Variants in IRAK1BP1 observed in about 807,000 individuals in gnomAD.
IRAK1BP1 encodes interleukin-1 receptor-associated kinase 1-binding protein 1.
In IRAK1BP1, 24 loss-of-function variants were observed where a neutral mutation model predicts 28.0. The observed-to-expected ratio is 0.86, with a 90% confidence interval of 0.62 to 1.20. The LOEUF (loss-of-function observed/expected upper bound fraction) is 1.20, where lower values mean the gene tolerates loss of function less well. Among genes scored for constraint, IRAK1BP1 ranks in the 50% most tolerant of loss-of-function variants. The pLI is 0.00. For synonymous variants in IRAK1BP1, 131 were observed against 116.3 expected (o/e 1.13, Z -0.81); for missense variants, 336 against 316.7 (o/e 1.06, Z -0.46).
the IRAK1BP1 span, among the ~76,000 whole-genome samples, chr6:78,963,926 T>C: frequency 1.3e-5 from 2 of 152,086 alleles, no homozygotes; most frequent in Non-Finnish European, 1.5e-5. Context: ...TTAAACTCTA[T>C]AGGTTCGTAT....
chr6:78,937,455 C>T (rs1045131097), intron 4 of IRAK1BP1: 1 of 151,694 alleles, frequency 6.6e-6, no homozygotes, highest in Non-Finnish European at 1.5e-5. Context: ...TAGATGTTAA[C>T]ATACATGCTG....
intron 1 of IRAK1BP1, among the ~76,000 whole-genome samples, chr6:78,876,266 C>G (rs1770999928): frequency 6.6e-6 from 1 of 152,168 alleles, no homozygotes; most frequent in African/African-American, 2.4e-5. Context: ...TTCCCCTTTG[C>G]CTTCTGCCAT....
intron 2 of IRAK1BP1, among the ~76,000 whole-genome samples, chr6:78,891,783 G>C (rs1771673524): frequency 6.6e-6 from 1 of 152,008 alleles, no homozygotes; most frequent in Admixed American, 6.6e-5. Context: ...TTTAATCCTG[G>C]GGTATAATAG....
At chr6:78,942,930 A>G (rs777125283) in intron 4 of IRAK1BP1, among the ~76,000 whole-genome samples, 11 of 152,220 alleles carry the variant, frequency 7.2e-5, no homozygotes, top group African/African-American at 2.2e-4. Flanking sequence ...CTTAAAAAGG[A>G]ATTCAGAAGT....
chr6:78,946,136 C>G lies in IRAK1BP1; in HGVS notation c.*796C>G, dbSNP rs1483958249. 20 of 1,613,942 alleles carry G rather than the reference C, an allele frequency of 1.2e-5. No individual in the cohort carries two copies. Among genetic ancestry groups the G allele is most frequent in the Non-Finnish European group, 1.6e-5 (19 of 1,179,976 alleles). On this transcript the variant is annotated 3_prime_UTR_variant and NMD_transcript_variant, in exon 5 of 5. Transcript: ENST00000606868. ...CTGGTTCGAACCACAGAACTAGATT[C>G]TGTTTTACCGTTTATCTGAGCAGCA...
the IRAK1BP1 span, among the ~76,000 whole-genome samples, chr6:78,979,173 T>C: frequency 6.6e-6 from 1 of 152,100 alleles, no homozygotes; most frequent in Admixed American, 6.6e-5. Flanking sequence ...GAGAGATGAC[T>C]ATCCTTTAAG....
At chr6:78,908,608 T>C (rs1772320944) in intron 4 of IRAK1BP1, among the ~76,000 whole-genome samples, 1 of 152,218 alleles carries the variant, frequency 6.6e-6, no homozygotes, top group African/African-American at 2.4e-5. Context: ...CCCAAAGTGC[T>C]AGGATTACAG....
chr6:78,900,784 T>G lies in IRAK1BP1; in HGVS notation c.*2450T>G, dbSNP rs928632956. ...TGCAGTGTTATTATAAGGATTAAAG[T>G]TGATAAATATATGATCATGAGAACA... On this transcript the variant is annotated 3_prime_UTR_variant, in exon 4 of 4. Coordinates refer to ENST00000369940, the MANE Select transcript of IRAK1BP1 (RefSeq NM_001010844.4). 6.6e-6 allele frequency: 1 copy of G among 152,198 alleles called. No individual in the cohort carries two copies. Among genetic ancestry groups the G allele is most frequent in the African/African-American group, 2.4e-5 (1 of 41,454 alleles). 9.4% of individuals were successfully genotyped at this position (152,198 alleles called of 1,614,324 possible).
At position 78,942,257 on chromosome 6, in the gene IRAK1BP1, C is replaced by A. The variant is rs928384614; in HGVS notation, c.*68-3151C>A. Among the ~76,000 whole-genome samples, 3 of 152,092 alleles carry A rather than the reference C, an allele frequency of 2.0e-5. No individual in the cohort carries two copies. In the East Asian group the frequency reaches 5.8e-4, roughly 29 times the overall value. ...CAGCACTCTGGGAGGCCAAAGTGGG[C>A]GGATCACCTGAGGTCAGGAGTTCGA... is the stretch of plus-strand genomic sequence containing the variant. On this transcript the variant is annotated intron_variant and NMD_transcript_variant, in intron 4 of 4. Coordinates refer to the IRAK1BP1 transcript ENST00000606868.
the IRAK1BP1 span, chr6:78,954,704 AT>A: frequency 1.4e-6 from 1 of 700,376 alleles, no homozygotes; most frequent in African/African-American, 1.9e-5. Context: ...CATGTATAAA[AT>A]AATAAAGAAA....
intron 1 of IRAK1BP1, chr6:78,871,265 T>C (rs1360571615): frequency 1.0e-6 from 1 of 984,930 alleles, no homozygotes; most frequent in East Asian, 1.1e-4. Flanking sequence ...TGGTCCTCCC[T>C]CACAAAAGTG....
In IRAK1BP1 at chr6:78,901,384, C is replaced by T. The variant is rs1295625222; in HGVS notation, c.*3050C>T. On this transcript the variant is annotated 3_prime_UTR_variant, in exon 4 of 4. Transcript: ENST00000369940. ...ACTAAAGGGTATCAAATTTAGTTGTCAGTTGATAGCAATTTAATTTCTTGA... is the reference window on the plus strand; with the variant it reads ...ACTAAAGGGTATCAAATTTAGTTGTTAGTTGATAGCAATTTAATTTCTTGA... The T allele has an allele frequency of 1.3e-5, 2 of 151,938 alleles. No homozygotes were observed. Among genetic ancestry groups the T allele is most frequent in the African/African-American group, 4.8e-5 (2 of 41,388 alleles). The allele number at this position is 151,938 out of a possible 1,614,324, so 9.4% of individuals were successfully genotyped here.
At chr6:78,874,445 C>T (rs1227211821) in intron 1 of IRAK1BP1, among the ~76,000 whole-genome samples, 1 of 152,150 alleles carries the variant, frequency 6.6e-6, no homozygotes, top group East Asian at 1.9e-4. Flanking sequence ...TTGTAATCTT[C>T]AGATGTTCTT....
At chr6:78,936,937 T>C (rs1773293083) in intron 4 of IRAK1BP1, 1 of 151,844 alleles carries the variant, frequency 6.6e-6, no homozygotes, top group South Asian at 2.1e-4. Flanking sequence ...CAAAGAAAAG[T>C]GTATTTTTCA....
chr6:78,941,404 C>T (rs776830685), intron 4 of IRAK1BP1: 51 of 998,544 alleles, frequency 5.1e-5, no homozygotes, highest in Non-Finnish European at 6.9e-5. Flanking sequence ...GTCAGTAAGG[C>T]CCCATTGGTA....
At chr6:78,908,298 G>A (rs756221729) in intron 4 of IRAK1BP1, among the ~76,000 whole-genome samples, 7 of 151,964 alleles carry the variant, frequency 4.6e-5, no homozygotes, top group Non-Finnish European at 7.4e-5. Flanking sequence ...TGATCCACCC[G>A]CCTCAGCATC....
the IRAK1BP1 span, chr6:78,954,734 AG>A: frequency 1.2e-6 from 1 of 837,298 alleles, no homozygotes; most frequent in Non-Finnish European, 1.8e-6. Flanking sequence ...AATCATAAAA[AG>A]TAACTAAAAT....
chr6:78,976,683 AAAAC>A, the IRAK1BP1 span, among the ~76,000 whole-genome samples: 4 of 148,538 alleles, frequency 2.7e-5, no homozygotes, highest in Non-Finnish European at 3.0e-5. Flanking sequence ...TTACAAGAAA[AAAAC>A]AAACAACCAC....
In IRAK1BP1 at chr6:78,932,421, C is replaced by CTTTTTTTT. The variant is rs386407659; in HGVS notation, c.*68-12977_*68-12970dup. Reference sequence around the variant, plus strand: ...ACATGTATTTCTTTTCTTTCTTTTTCTTTTTTTTTTTTTTTTTGAGATGGA... The same window carrying CTTTTTTTT: ...ACATGTATTTCTTTTCTTTCTTTTTCTTTTTTTTTTTTTTTTTTTTTTTTTGAGATGGA... On this transcript the variant is annotated intron_variant and NMD_transcript_variant, in intron 4 of 4. Transcript: ENST00000606868. Among the ~76,000 whole-genome samples the CTTTTTTTT allele has an allele frequency of 8.1e-4, 100 of 123,666 alleles. 1 individual carries two copies. Among genetic ancestry groups the CTTTTTTTT allele is most frequent in the East Asian group, 2.4e-3 (10 of 4,228 alleles). The allele number at this position is 123,666 out of a possible 152,430, so 81.1% of individuals were successfully genotyped here. A position where few individuals can be genotyped will look rare whatever the true frequency, so the allele number is the denominator to read the frequency against.
Sources: gnomAD v4.1 joint callset for allele counts (sites outside exome capture counted in the v4.1 genomes callset) on GRCh38, gnomAD v4.1.1 for gene constraint, MANE v1.5 for transcripts, NCBI Gene and HGNC (gene_info 2026-07-23, HGNC 2026-07-21) for gene names.